The following CDA variants were observed in gnomAD, a reference collection of about 807,000 sequenced individuals.
CDA encodes cytidine deaminase.
A neutral mutation model predicts 15.0 loss-of-function variants in CDA; 7 were observed. The observed-to-expected ratio is 0.47, with a 90% CI of 0.26 to 0.87. CDA has a LOEUF of 0.87. Ranked by LOEUF, CDA falls within the 40% of genes least tolerant of loss-of-function variation. The pLI, the probability that CDA is intolerant of heterozygous loss-of-function variation, is 0.15. For missense variants in CDA, 159 were observed against 182.7 expected (o/e 0.87, Z 0.75); for synonymous variants, 58 against 73.0 (o/e 0.79, Z 1.05).
chr1:20,591,972 A>G (rs1019538227), intron 1 of CDA, among the ~76,000 whole-genome samples: 3 of 151,608 alleles, frequency 2.0e-5, no homozygotes, highest in Non-Finnish European at 2.9e-5. Context: ...GCCTCAGAGT[A>G]GCTGGGATTA....
chr1:20,608,629 C>T (rs1006594751), intron 2 of CDA, among the ~76,000 whole-genome samples: 1 of 152,300 alleles, frequency 6.6e-6, no homozygotes, highest in Admixed American at 6.5e-5. Context: ...AAGCTGGTCT[C>T]GAACTTCTGG....
chr1:20,594,866 C>T (rs1394399478), intron 1 of CDA, among the ~76,000 whole-genome samples: 2 of 152,104 alleles, frequency 1.3e-5, no homozygotes, highest in Non-Finnish European at 2.9e-5. Context: ...GAGTCAGCTC[C>T]GGGCCTTGCA....
At chr1:20,609,435 G>A (rs1335171940) in intron 2 of CDA, among the ~76,000 whole-genome samples, 5 of 152,104 alleles carry the variant, frequency 3.3e-5, no homozygotes, top group Non-Finnish European at 7.4e-5. Flanking sequence ...GCAGTGAGCC[G>A]AGATCGCGCC....
intron 2 of CDA, among the ~76,000 whole-genome samples, chr1:20,612,029 A>AT (rs1440793132): frequency 6.6e-6 from 1 of 151,598 alleles, no homozygotes; most frequent in Non-Finnish European, 1.5e-5. Flanking sequence ...CACCTGGCTA[A>AT]TTTTTTGTAT....
At chr1:20,610,257 TTA>T (rs1462958093) in intron 2 of CDA, among the ~76,000 whole-genome samples, 1 of 45,196 alleles carries the variant, frequency 2.2e-5, no homozygotes, top group Non-Finnish European at 6.5e-5. Flanking sequence ...TAGGCACACA[TTA>T]TCTTTTTTTT....
intron 2 of CDA, among the ~76,000 whole-genome samples, chr1:20,613,151 C>T (rs189701211): frequency 3.3e-3 from 501 of 152,212 alleles, no homozygotes; most frequent in Admixed American, 5.0e-3. Flanking sequence ...ATAAAATCTT[C>T]CTTCTCAGTC....
intron 1 of CDA, among the ~76,000 whole-genome samples, chr1:20,602,845 C>T (rs1026876171): frequency 3.3e-5 from 5 of 152,200 alleles, no homozygotes; most frequent in Non-Finnish European, 7.3e-5. Context: ...CCCAGAGATC[C>T]CTTCTGGACA....
At chr1:20,589,677 G>A (rs2052530702) in intron 1 of CDA, among the ~76,000 whole-genome samples, 1 of 152,188 alleles carries the variant, frequency 6.6e-6, no homozygotes, top group Non-Finnish European at 1.5e-5. Flanking sequence ...TGACCTAAGT[G>A]TTAATGCTCG....
At chr1:20,604,037 G>GT (rs936146244) in intron 1 of CDA, among the ~76,000 whole-genome samples, 23 of 130,850 alleles carry the variant, frequency 1.8e-4, no homozygotes, top group Non-Finnish European at 2.8e-4. Flanking sequence ...AGCTCGAGGT[G>GT]TTTTTTTTGT....
chr1:20,592,604 G>A (rs761744697), intron 1 of CDA, among the ~76,000 whole-genome samples: 1 of 152,164 alleles, frequency 6.6e-6, no homozygotes, highest in African/African-American at 2.4e-5. Flanking sequence ...ACAGTGTCAG[G>A]GTACAGTATC....
At chr1:20,597,289 A>G (rs777847845) in intron 1 of CDA, among the ~76,000 whole-genome samples, 4 of 152,176 alleles carry the variant, frequency 2.6e-5, no homozygotes, top group Non-Finnish European at 5.9e-5. Flanking sequence ...TCTAATAAAA[A>G]TACAAAAAAA....
intron 1 of CDA, among the ~76,000 whole-genome samples, chr1:20,594,855 G>A (rs986408169): frequency 3.9e-5 from 6 of 152,080 alleles, no homozygotes; most frequent in Admixed American, 1.3e-4. Context: ...CCACGGAAAC[G>A]GAGTCAGCTC....
intron 1 of CDA, among the ~76,000 whole-genome samples, chr1:20,589,587 C>T (rs589942): frequency 5.9e-5 from 9 of 152,072 alleles, no homozygotes; most frequent in Non-Finnish European, 1.0e-4. Flanking sequence ...GCAGGGAGAG[C>T]GTTCGTGCTT....
intron 2 of CDA, among the ~76,000 whole-genome samples, chr1:20,611,730 T>G (rs753441770): frequency 1.3e-5 from 2 of 152,250 alleles, no homozygotes; most frequent in Non-Finnish European, 2.9e-5. Context: ...GCTGGAGGTC[T>G]GCCTGTAGGA....
chr1:20,618,383 T>G (rs899577927), intron 3 of CDA, 69 bp from the exon 4 acceptor site: 6 of 839,066 alleles, frequency 7.2e-6, no homozygotes, highest in African/African-American at 6.7e-5. Flanking sequence ...AGAGTCAGAC[T>G]CAGACCCAGT....
chr1:20,617,892 C>T (rs1367174216), intron 3 of CDA, among the ~76,000 whole-genome samples: 1 of 152,000 alleles, frequency 6.6e-6, no homozygotes, highest in East Asian at 1.9e-4. Context: ...GATGAAGTTT[C>T]ACCATGTTGG....
intron 1 of CDA, among the ~76,000 whole-genome samples, chr1:20,593,000 G>A (rs1208507441): frequency 2.6e-5 from 4 of 152,178 alleles, no homozygotes; most frequent in African/African-American, 9.7e-5. Context: ...AGCTGAGATG[G>A]AGGGATCACT....
At chr1:20,608,726 T>C (rs1469596404) in intron 2 of CDA, among the ~76,000 whole-genome samples, 2 of 152,206 alleles carry the variant, frequency 1.3e-5, no homozygotes, top group East Asian at 3.8e-4. Context: ...TATTATATTG[T>C]TTTAAAGTTA....
intron 1 of CDA, among the ~76,000 whole-genome samples, chr1:20,599,252 AG>A: frequency 6.6e-6 from 1 of 152,290 alleles, no homozygotes; most frequent in Admixed American, 6.5e-5. Flanking sequence ...GAACAAAAGG[AG>A]ATGCGAGCCA....
Sources: gnomAD v4.1 joint callset for allele counts (sites outside exome capture counted in the v4.1 genomes callset) on GRCh38, gnomAD v4.1.1 for gene constraint, MANE v1.5 for transcripts, NCBI Gene and HGNC (gene_info 2026-07-23, HGNC 2026-07-21) for gene names.